The following CTU2 variants were observed in gnomAD, a reference collection of about 807,000 sequenced individuals.
CTU2 encodes the protein cytoplasmic tRNA 2-thiolation protein 2.
In CTU2, 80 loss-of-function variants were observed where a neutral mutation model predicts 64.1. The observed-to-expected ratio is 1.25, with a 90% CI of 1.04 to 1.50. The LOEUF is 1.50. Among genes scored for constraint, CTU2 ranks in the 40% most tolerant of loss-of-function variants. The pLI is 0.00. For missense variants in CTU2, 1,110 were observed against 690.2 expected (o/e 1.61, Z -6.81); for synonymous variants, 482 against 285.3 (o/e 1.69, Z -6.95).
At position 88,710,220 on chromosome 16, in the gene CTU2, C is replaced by G. The variant is rs779619510; in HGVS notation, c.223-3C>G. On this transcript the variant is annotated splice_polypyrimidine_tract_variant and splice_region_variant and intron_variant, in intron 3 of 14. Coordinates refer to ENST00000453996, the MANE Select transcript of CTU2 (RefSeq NM_001012759.3). Reference sequence around the variant, plus strand: ...GCCCTGAGTGATGTTTTTTCTCCCCCAGGTGCTCTTGGCGTGGTCTGGGGG... The same window carrying G: ...GCCCTGAGTGATGTTTTTTCTCCCCGAGGTGCTCTTGGCGTGGTCTGGGGG... The G allele has an allele frequency of 6.2e-6, 10 of 1,614,076 alleles. No homozygotes were observed. Among genetic ancestry groups the G allele is most frequent in the Non-Finnish European group, 7.6e-6 (9 of 1,179,982 alleles).
In CTU2 at chr16:88,714,684, C is replaced by G. The variant is rs372794568; in HGVS notation, c.1299C>G (p.Cys433Trp). The part of the protein sequence containing the change: ...LTETRTPPGP[C>W]CSPGVGWAQR... ...AGACCCGGACACCCCCGGGGCCCTG[C>G]TGTTCTCCAGGGGTGGGCTGGGCCC... Residue 433 changes from cysteine to tryptophan, a missense_variant, in exon 12 of 15, where the codon TGC (cysteine) becomes TGG (tryptophan). Coordinates refer to ENST00000453996, the MANE Select transcript of CTU2 (RefSeq NM_001012759.3). 2.4e-5 allele frequency: 38 copies of G among 1,612,044 alleles called. No individual in the cohort carries two copies. The highest frequency in any genetic ancestry group is 6.7e-5 in the Admixed American group (4 of 59,932).
At position 88,715,062 on chromosome 16, in the gene CTU2, C is replaced by T. The variant is rs757200946; in HGVS notation, c.1434C>T (p.Pro478=). ...VNMKDLPSLD[P]LPPYILAEAQ... is the part of the protein sequence containing the mutation. ...CTCTGTTGCAGCCCTCACTGGACCC[C>T]CTGCCGCCGTACATCCTGGCTGAGG... is the stretch of plus-strand genomic sequence containing the variant. The change falls in exon 14 of 15, where the codon CCC becomes CCT. Residue 478 remains proline (P), a synonymous_variant. Coordinates refer to ENST00000453996, the MANE Select transcript of CTU2 (RefSeq NM_001012759.3). 1.3e-6 allele frequency: 2 copies of T among 1,572,298 alleles called. No individual in the cohort carries two copies. The highest frequency in any genetic ancestry group is 1.2e-5 in the South Asian group (1 of 85,310).
At position 88,715,212 on chromosome 16, in the gene CTU2, T is replaced by A. The variant is rs1164665594; in HGVS notation, c.1509T>A (p.Cys503Ter). The part of the protein sequence containing the change: ...RAWGLQEIRD[C>*]LIEDSDDEAG... ...GGGGCTTGCAGGAGATCCGGGACTGTCTGATTGAGGACAGTGACGACGAGG... is the reference window on the plus strand; with the variant it reads ...GGGGCTTGCAGGAGATCCGGGACTGACTGATTGAGGACAGTGACGACGAGG... The change falls in exon 15 of 15, where the codon TGT (cysteine) becomes TGA (stop). Residue 503 changes from cysteine (C) to a stop codon, truncating the protein, a stop_gained. Coordinates refer to ENST00000453996, the MANE Select transcript of CTU2 (RefSeq NM_001012759.3). LOFTEE classifies it low-confidence loss of function (END_TRUNC). 6.2e-7 allele frequency: 1 copy of A among 1,612,286 alleles called. No homozygotes were observed. Among genetic ancestry groups the A allele is most frequent in the Non-Finnish European group, 8.5e-7 (1 of 1,179,858 alleles).
chr16:88,714,252 G>C (rs371659918), intron 10 of CTU2, 25 bp downstream of exon 10: 17 of 1,598,162 alleles, frequency 1.1e-5, no homozygotes, highest in South Asian at 3.3e-5. Context: ...GGGTGTGTGC[G>C]GGGGGTGCGC....
At chr16:88,709,761 C>T (rs1911167509) in intron 2 of CTU2, 177 bp from the exon 3 acceptor site, 4 of 624,758 alleles carry the variant, frequency 6.4e-6, no homozygotes, top group Non-Finnish European at 1.1e-5. Flanking sequence ...CCTGAGGAAG[C>T]CACTGCCAGA....
chr16:88,707,877 C>T (rs2142704492), intron 2 of CTU2, among the ~76,000 whole-genome samples: 1 of 151,958 alleles, frequency 6.6e-6, no homozygotes, highest in African/African-American at 2.4e-5. Context: ...AGTGCATGAT[C>T]CCAGCTCACT....
rs61730418 is a variant in CTU2 at position 88,714,405 on chromosome 16, G to A, written c.1120G>A (p.Gly374Ser). ...VYRTSEKLVK[G>S]PRDGPAAGDS... ...CAGGACAAGTGAGAAGCTGGTGAAG[G>A]GCCCCCGGGATGGCCCTGCTGCTGG... Residue 374 changes from glycine to serine, a missense_variant, in exon 11 of 15, where the codon GGC becomes AGC. By Grantham distance (56) the Gly-to-Ser change is moderately conservative. Coordinates refer to ENST00000453996, the MANE Select transcript of CTU2 (RefSeq NM_001012759.3). 1.1e-5 allele frequency: 17 copies of A among 1,612,376 alleles called. No homozygotes were observed. The highest frequency in any genetic ancestry group is 1.4e-5 in the Non-Finnish European group (16 of 1,179,836).
intron 3 of CTU2, 23 bp downstream of exon 3, chr16:88,710,039 C>T: frequency 6.2e-7 from 1 of 1,612,440 alleles, no homozygotes; most frequent in Non-Finnish European, 8.5e-7. Context: ...TCCTGGGGGT[C>T]TGACTGAGCA....
At chr16:88,707,003 T>G in intron 1 of CTU2, 133 bp from the exon 2 acceptor site, 4 of 789,538 alleles carry the variant, frequency 5.1e-6, no homozygotes, top group Non-Finnish European at 6.5e-6. Context: ...CAAGCCTGGG[T>G]TTGTGTGTGT....
At chr16:88,712,527 T>A in intron 6 of CTU2, 95 bp from the exon 7 acceptor site, 2 of 1,520,548 alleles carry the variant, frequency 1.3e-6, no homozygotes, top group Non-Finnish European at 1.8e-6. Context: ...TGCCCCAGCC[T>A]CACTGCCGTC....
chr16:88,714,282 G>GTGTGTGC (rs140479732), intron 10 of CTU2, 55 bp downstream of exon 10: 6 of 1,209,428 alleles, frequency 5.0e-6, no homozygotes, highest in Non-Finnish European at 7.1e-6. Flanking sequence ...CTGTGCGCGG[G>GTGTGTGC]TGTGTGCGGG....
Position 88,712,296 on chromosome 16 carries a change from C to G in CTU2, c.366C>G (p.Ser122Arg). 18 of 1,606,458 alleles carry G rather than the reference C, an allele frequency of 1.1e-5. No homozygotes were observed. The highest frequency in any genetic ancestry group is 1.4e-5 in the Non-Finnish European group (17 of 1,176,436). The change falls in exon 6 of 15, where the codon AGC (serine) becomes AGG (arginine). Residue 122 changes from serine to arginine, a missense_variant. Physicochemically the swap from Ser to Arg is moderately radical, Grantham distance 110. Transcript: ENST00000453996. Reference protein sequence around the residue: ...FVDEGAACGQSLEERSKTLAE... With the variant: ...FVDEGAACGQRLEERSKTLAE... ...CAGAGGGAGCAGCCTGTGGCCAGAG[C>G]CTAGAGGAGAGATCAAAGACCCTGG... is the stretch of plus-strand genomic sequence containing the variant.
At chr16:88,706,883 G>C in intron 1 of CTU2, 2 of 556,300 alleles carry the variant, frequency 3.6e-6, no homozygotes, top group Admixed American at 6.1e-5. Flanking sequence ...TCGCCTCCCC[G>C]TGTCAGCCTT....
Position 88,715,365 on chromosome 16 carries a change from CATTTTTT to C in CTU2, c.*116_*122del. On this transcript the variant is annotated 3_prime_UTR_variant, in exon 15 of 15. Coordinates refer to ENST00000453996, the MANE Select transcript of CTU2 (RefSeq NM_001012759.3). ...TGATTGTCCATTTGTATAAATAAAA[CATTTTTT>C]AATTAAAAAAAAAACTCTACAGTAC... 2 of 1,206,424 alleles carry C rather than the reference CATTTTTT, an allele frequency of 1.7e-6. No individual in the cohort carries two copies. Among genetic ancestry groups the C allele is most frequent in the Non-Finnish European group, 2.3e-6 (2 of 876,576 alleles). The allele number at this position is 1,206,424 out of a possible 1,614,324, so 74.7% of individuals were successfully genotyped here. A position where few individuals can be genotyped will look rare whatever the true frequency, so the allele number is the denominator to read the frequency against.
intron 4 of CTU2, 56 bp downstream of exon 4, chr16:88,710,338 G>C: frequency 6.3e-7 from 1 of 1,583,042 alleles, no homozygotes; most frequent in Non-Finnish European, 8.7e-7. Context: ...CAGGCTGGGG[G>C]CCTCCCTTCT....
At chr16:88,711,908 G>A (rs1269017503) in intron 5 of CTU2, among the ~76,000 whole-genome samples, 1 of 152,180 alleles carries the variant, frequency 6.6e-6, no homozygotes, top group Non-Finnish European at 1.5e-5. Context: ...CACTGTTCCT[G>A]GAATCTAAGA....
intron 4 of CTU2, chr16:88,710,979 A>ATG (rs149002345): frequency 0.032 from 4,899 of 153,612 alleles, 257 homozygotes; most frequent in African/African-American, 0.11. Context: ...CAGGAGCGGG[A>ATG]TGTGCTTGGT....
chr16:88,714,514 G>C (rs768751293), intron 11 of CTU2, 28 bp downstream of exon 11: 4 of 1,612,282 alleles, frequency 2.5e-6, no homozygotes, highest in Non-Finnish European at 2.5e-6. Context: ...TTGGGGTGAT[G>C]CGGGGAGGGA....
At chr16:88,715,005 G>A (rs748208518) in intron 13 of CTU2, 43 bp from the exon 14 acceptor site, 2 of 1,591,610 alleles carry the variant, frequency 1.3e-6, no homozygotes, top group African/African-American at 1.3e-5. Context: ...TTGAGGGGGT[G>A]CTGGCAGGTT....
Sources: gnomAD v4.1 joint callset for allele counts (sites outside exome capture counted in the v4.1 genomes callset) on GRCh38, gnomAD v4.1.1 for gene constraint, MANE v1.5 for transcripts, NCBI Gene and HGNC (gene_info 2026-07-23, HGNC 2026-07-21) for gene names.